KYAT3: variants seen among roughly 807,000 people sequenced by gnomAD.
KYAT3 encodes kynurenine--oxoglutarate transaminase 3.
KYAT3 carries 50 observed loss-of-function variants against 59.0 expected under a neutral mutation model. The ratio of observed to expected loss-of-function variants is 0.85; its 90% CI spans 0.68 to 1.07. The LOEUF is 1.07. KYAT3 is among the 50% of genes least tolerant of loss of function. KYAT3 has a pLI of 0.00. For synonymous variants in KYAT3, 148 were observed against 177.0 expected (o/e 0.84, Z 1.30); for missense variants, 497 against 533.3 (o/e 0.93, Z 0.67).
At chr1:88,929,068 C>A in the KYAT3 span, among the ~76,000 whole-genome samples, 95 of 152,058 alleles carry the variant, frequency 6.2e-4, no homozygotes, top group Middle Eastern at 0.017. Flanking sequence ...ACAATATGGA[C>A]GAGCAAAGAA....
intron 2 of KYAT3, among the ~76,000 whole-genome samples, chr1:88,970,967 A>G (rs1676533823): frequency 2.6e-5 from 4 of 152,240 alleles, no homozygotes; most frequent in Admixed American, 2.6e-4. Flanking sequence ...AAATCACATG[A>G]AAATTCTCCA....
At chr1:88,943,181 C>G in intron 12 of KYAT3, 90 bp from the exon 13 acceptor site, 1 of 1,114,140 alleles carries the variant, frequency 9.0e-7, no homozygotes, top group Non-Finnish European at 1.3e-6. Flanking sequence ...CAACTAGATA[C>G]TTTTAAATAG....
Position 88,968,327 on chromosome 1 carries a change from A to G in KYAT3, c.303+343T>C, listed in dbSNP as rs1355388112. ...GGAGGAAAAACGTAGCTAGTTGGAT[A>G]TATTAAATAAAGGGTCAGTGCTCAG... On this transcript the variant is annotated intron_variant, in intron 4 of 13. Coordinates refer to ENST00000260508, the MANE Select transcript of KYAT3 (RefSeq NM_001008661.3). 2.0e-5 allele frequency among the ~76,000 whole-genome samples: 3 copies of G among 152,330 alleles called. No homozygotes were observed. In the East Asian group the frequency reaches 5.8e-4, roughly 29 times the overall value.
chr1:88,973,733 A>G (rs142857606), intron 2 of KYAT3, among the ~76,000 whole-genome samples: 1 of 152,354 alleles, frequency 6.6e-6, no homozygotes, highest in East Asian at 1.9e-4. Flanking sequence ...CCAGGTGGCA[A>G]GCTTGACAAA....
intron 1 of KYAT3, among the ~76,000 whole-genome samples, chr1:88,992,336 A>G (rs1677856022): frequency 6.6e-6 from 1 of 152,244 alleles, no homozygotes; most frequent in East Asian, 1.9e-4. Flanking sequence ...CCAAACAGCG[A>G]AATCAAGAGT....
chr1:88,934,643 T>C (rs992502336), downstream of KYAT3, among the ~76,000 whole-genome samples: 1 of 152,124 alleles, frequency 6.6e-6, no homozygotes, highest in African/African-American at 2.4e-5. Flanking sequence ...TTCTTTTTGA[T>C]CAGCTGAGAT....
At chr1:88,929,576 C>T in the KYAT3 span, among the ~76,000 whole-genome samples, 2,252 of 152,276 alleles carry the variant, frequency 0.015, 56 homozygotes, top group African/African-American at 0.051. Flanking sequence ...CATACCTGGA[C>T]CCTCTTGTCC....
chr1:88,979,780 T>A (rs1371361387), intron 2 of KYAT3: 1 of 152,186 alleles, frequency 6.6e-6, no homozygotes, highest in East Asian at 1.9e-4. Flanking sequence ...TTATTAAACA[T>A]AAATCTGCCA....
intron 2 of KYAT3, chr1:88,983,141 C>G (rs770232757): frequency 4.3e-6 from 7 of 1,612,466 alleles, no homozygotes; most frequent in Non-Finnish European, 5.1e-6. Flanking sequence ...TCTTGTATCA[C>G]GAGAACTTGG....
At chr1:88,943,179 T>C in intron 12 of KYAT3, 88 bp from the exon 13 acceptor site, 4 of 1,106,398 alleles carry the variant, frequency 3.6e-6, no homozygotes, top group Non-Finnish European at 5.4e-6. Context: ...GGCAACTAGA[T>C]ACTTTTAAAT....
chr1:88,977,295 G>A (rs940652803), intron 2 of KYAT3, among the ~76,000 whole-genome samples: 1 of 152,178 alleles, frequency 6.6e-6, no homozygotes, highest in Non-Finnish European at 1.5e-5. Context: ...TCCACCTCCC[G>A]GGTTCAAGTG....
At position 88,988,264 on chromosome 1, in the gene KYAT3, G is replaced by A; in HGVS notation, c.87C>T (p.Phe29=). The change falls in exon 2 of 14, where the codon TTC becomes TTT. Residue 29 remains phenylalanine, a synonymous_variant. Coordinates refer to ENST00000260508, the MANE Select transcript of KYAT3 (RefSeq NM_001008661.3). ...AAGCAATACCTACAGCAGAAGTAGAGAATCCGAGGATTTTGGAAGAAGAAA... is the reference window on the plus strand; with the variant it reads ...AAGCAATACCTACAGCAGAAGTAGAAAATCCGAGGATTTTGGAAGAAGAAA... The part of the protein sequence containing the change: ...KTISSSKILG[F]STSAKMSLKF... 1 of 1,611,874 alleles carries A rather than the reference G, an allele frequency of 6.2e-7. No homozygotes were observed. The highest frequency in any genetic ancestry group is 8.5e-7 in the Non-Finnish European group (1 of 1,178,086).
At chr1:88,953,362 T>C (rs1010246595) in intron 9 of KYAT3, among the ~76,000 whole-genome samples, 3 of 151,850 alleles carry the variant, frequency 2.0e-5, no homozygotes, top group Non-Finnish European at 4.4e-5. Context: ...CTGGTCAACA[T>C]GGTGAAATGC....
intron 10 of KYAT3, among the ~76,000 whole-genome samples, chr1:88,950,119 C>A (rs1053832751): frequency 4.6e-5 from 7 of 152,146 alleles, no homozygotes; most frequent in African/African-American, 1.7e-4. Flanking sequence ...CCACCAGACA[C>A]CAAATCTGCT....
chr1:88,958,948 C>T (rs1239768317), intron 8 of KYAT3, among the ~76,000 whole-genome samples: 3 of 152,132 alleles, frequency 2.0e-5, no homozygotes, highest in African/African-American at 7.2e-5. Context: ...TAGTTTTCCA[C>T]CCTGATCTAT....
At chr1:88,972,016 T>C (rs1311188306) in intron 2 of KYAT3, among the ~76,000 whole-genome samples, 1 of 152,214 alleles carries the variant, frequency 6.6e-6, no homozygotes, top group Non-Finnish European at 1.5e-5. Context: ...ACTATACTTC[T>C]AAATAAAGAA....
At chr1:88,951,883 AAGG>A (rs1375059401) in intron 10 of KYAT3, among the ~76,000 whole-genome samples, 3 of 152,096 alleles carry the variant, frequency 2.0e-5, no homozygotes, top group Non-Finnish European at 4.4e-5. Context: ...GATTGAAATT[AAGG>A]AGATTATCCT....
intron 1 of KYAT3, among the ~76,000 whole-genome samples, chr1:88,992,318 C>G (rs1677854143): frequency 6.6e-6 from 1 of 152,254 alleles, no homozygotes; most frequent in Non-Finnish European, 1.5e-5. Flanking sequence ...AGACTGCCTT[C>G]TAAAAGCCCA....
chr1:88,953,059 T>G lies in KYAT3; in HGVS notation c.954+4A>C. ...CTTCTACCCTGAGTTACTATAACACTTACCTGTAAAGGAGTTGCACAAGTA... is the reference window on the plus strand; with the variant it reads ...CTTCTACCCTGAGTTACTATAACACGTACCTGTAAAGGAGTTGCACAAGTA... On this transcript the variant is annotated splice_donor_region_variant and intron_variant, in intron 10 of 13. Transcript: ENST00000260508. 6.4e-7 allele frequency: 1 copy of G among 1,569,748 alleles called. No individual in the cohort carries two copies. Among genetic ancestry groups the G allele is most frequent in the Non-Finnish European group, 8.8e-7 (1 of 1,139,804 alleles).
Sources: allele counts gnomAD v4.1 joint callset (sites outside exome capture counted in the v4.1 genomes callset), GRCh38; gene constraint gnomAD v4.1.1; transcripts MANE v1.5; gene names NCBI Gene and HGNC (gene_info 2026-07-23, HGNC 2026-07-21).